FBXL7: variants seen among roughly 807,000 people sequenced by gnomAD.
The protein encoded by FBXL7 is F-box/LRR-repeat protein 7.
In FBXL7, 12 loss-of-function variants were observed where a neutral mutation model predicts 38.3. That is an observed-to-expected ratio of 0.31 (90% CI 0.20 to 0.51). FBXL7 has a LOEUF of 0.51. Among genes scored for constraint, FBXL7 ranks in the 20% least tolerant of loss-of-function variants. The pLI, the probability that FBXL7 is intolerant of heterozygous loss-of-function variation, is 0.98. For synonymous variants in FBXL7, 297 were observed against 300.9 expected, an observed-to-expected ratio of 0.99 and a Z score of 0.13; for missense variants, 567 against 676.4, an observed-to-expected ratio of 0.84 and a Z score of 1.79.
chr5:15,797,315 C>T (rs1338540942), intron 2 of FBXL7, among the ~76,000 whole-genome samples: 1 of 152,222 alleles, frequency 6.6e-6, no homozygotes, highest in Non-Finnish European at 1.5e-5. Context: ...TAATGTAGGA[C>T]CCTCCCAGAG....
intron 2 of FBXL7, among the ~76,000 whole-genome samples, chr5:15,754,387 C>T (rs1311122237): frequency 6.6e-6 from 1 of 152,108 alleles, no homozygotes; most frequent in East Asian, 1.9e-4. Context: ...AGTGGTCAAA[C>T]CCCCCAACCA....
At chr5:15,540,534 G>A (rs1489032753) in intron 1 of FBXL7, among the ~76,000 whole-genome samples, 1 of 152,158 alleles carries the variant, frequency 6.6e-6, no homozygotes, top group East Asian at 1.9e-4. Flanking sequence ...TGCAGTGGTA[G>A]AAGAAAAAGA....
At chr5:15,904,106 T>C (rs1741298728) in intron 2 of FBXL7, among the ~76,000 whole-genome samples, 1 of 152,174 alleles carries the variant, frequency 6.6e-6, no homozygotes, top group South Asian at 2.1e-4. Context: ...TTTTTCTATT[T>C]TTCTTACTTT....
intron 2 of FBXL7, among the ~76,000 whole-genome samples, chr5:15,666,524 T>C (rs956281187): frequency 4.6e-5 from 7 of 152,200 alleles, no homozygotes; most frequent in East Asian, 1.9e-4. Flanking sequence ...CCCTTAAGAA[T>C]CCATAGTAAT....
At chr5:15,665,407 C>T (rs1742237453) in intron 2 of FBXL7, among the ~76,000 whole-genome samples, 1 of 152,152 alleles carries the variant, frequency 6.6e-6, no homozygotes, top group Non-Finnish European at 1.5e-5. Flanking sequence ...CCACTTCTTC[C>T]TCCTGTGATC....
At chr5:15,695,884 TCTC>T (rs1188790220) in intron 2 of FBXL7, among the ~76,000 whole-genome samples, 1 of 152,190 alleles carries the variant, frequency 6.6e-6, no homozygotes, top group Non-Finnish European at 1.5e-5. Flanking sequence ...AGAGCTGAGT[TCTC>T]CTGTTTCTAG....
At chr5:15,593,456 G>A (rs935527036) in intron 1 of FBXL7, among the ~76,000 whole-genome samples, 4 of 151,958 alleles carry the variant, frequency 2.6e-5, no homozygotes, top group Admixed American at 6.6e-5. Flanking sequence ...CCCAGGAGGC[G>A]GAGGCTAGAG....
At chr5:15,766,048 C>G (rs1208984271) in intron 2 of FBXL7, among the ~76,000 whole-genome samples, 74 of 105,384 alleles carry the variant, frequency 7.0e-4, no homozygotes, top group Admixed American at 1.4e-3. Context: ...GTCTATCTAC[C>G]TACCTACCTA....
intron 2 of FBXL7, among the ~76,000 whole-genome samples, chr5:15,659,038 C>T (rs559415191): frequency 6.6e-6 from 1 of 152,234 alleles, no homozygotes; most frequent in Non-Finnish European, 1.5e-5. Flanking sequence ...TTTAAGTTTC[C>T]TGAGGCTTCC....
At chr5:15,682,209 A>G (rs552280490) in intron 2 of FBXL7, among the ~76,000 whole-genome samples, 1 of 152,316 alleles carries the variant, frequency 6.6e-6, no homozygotes, top group South Asian at 2.1e-4. Flanking sequence ...GTGGCCTGCA[A>G]AATTGCCACA....
intron 1 of FBXL7, among the ~76,000 whole-genome samples, chr5:15,520,718 A>G (rs1737072951): frequency 6.6e-6 from 1 of 152,256 alleles, no homozygotes; most frequent in African/African-American, 2.4e-5. Context: ...TTATTTAGCA[A>G]AGAACAAAAA....
intron 2 of FBXL7, among the ~76,000 whole-genome samples, chr5:15,863,677 G>A (rs1271721947): frequency 6.6e-6 from 1 of 152,140 alleles, no homozygotes; most frequent in Non-Finnish European, 1.5e-5. Context: ...GAGGTATTTG[G>A]GTCATGGAGA....
At chr5:15,644,304 C>CAA (rs369213583) in intron 2 of FBXL7, among the ~76,000 whole-genome samples, 137 of 94,692 alleles carry the variant, frequency 1.4e-3, no homozygotes, top group South Asian at 3.3e-3. Context: ...ACTAAAAATC[C>CAA]AAAAAAAAAA....
intron 1 of FBXL7, among the ~76,000 whole-genome samples, chr5:15,527,718 A>C (rs750844239): frequency 5.3e-5 from 8 of 152,188 alleles, no homozygotes. Context: ...TTACTCATAG[A>C]ATTGCTTTTA....
chr5:15,897,990 C>A (rs1395746751), intron 2 of FBXL7, among the ~76,000 whole-genome samples: 1 of 152,236 alleles, frequency 6.6e-6, no homozygotes. Flanking sequence ...GCAAAGCCAG[C>A]ATGCAAATGC....
chr5:15,604,708 A>G (rs1739947386), intron 1 of FBXL7, among the ~76,000 whole-genome samples: 2 of 152,134 alleles, frequency 1.3e-5, no homozygotes, highest in African/African-American at 4.8e-5. Flanking sequence ...CTCGACTTAA[A>G]TGATTTCTAT....
At chr5:15,843,469 A>T (rs1738804818) in intron 2 of FBXL7, among the ~76,000 whole-genome samples, 1 of 152,192 alleles carries the variant, frequency 6.6e-6, no homozygotes, top group Admixed American at 6.5e-5. Context: ...TAAAATTGAA[A>T]ATATGAATCT....
chr5:15,649,142 A>T (rs1480342903), intron 2 of FBXL7, among the ~76,000 whole-genome samples: 1 of 152,056 alleles, frequency 6.6e-6, no homozygotes, highest in Non-Finnish European at 1.5e-5. Flanking sequence ...AACTACAGGC[A>T]TAAGCCACCA....
chr5:15,927,790 A>C, intron 2 of FBXL7, 100 bp from the exon 3 acceptor site: 1 of 760,958 alleles, frequency 1.3e-6, no homozygotes, highest in Non-Finnish European at 1.8e-6. Flanking sequence ...AAAAAAAAGA[A>C]GAAGAAAGAA....
Sources: allele counts gnomAD v4.1 joint callset (sites outside exome capture counted in the v4.1 genomes callset), GRCh38; gene constraint gnomAD v4.1.1; transcripts MANE v1.5; gene names NCBI Gene and HGNC (gene_info 2026-07-23, HGNC 2026-07-21).